KLHL14: variants seen among roughly 807,000 people sequenced by gnomAD.
The protein encoded by KLHL14 is kelch-like protein 14.
Under a neutral mutation model 64.3 loss-of-function variants are expected in KLHL14, and 22 were observed. That is an observed-to-expected ratio of 0.34 (90% CI 0.24 to 0.49). The LOEUF (loss-of-function observed/expected upper bound fraction) is 0.49. KLHL14 is among the 20% of genes least tolerant of loss of function. KLHL14 has a pLI of 0.99. For synonymous variants in KLHL14, 322 were observed against 333.4 expected, an observed-to-expected ratio of 0.97 and a Z score of 0.37; for missense variants, 661 against 789.0, an observed-to-expected ratio of 0.84 and a Z score of 1.94.
chr18:32,701,552 A>G (rs1433783496), intron 3 of KLHL14, among the ~76,000 whole-genome samples: 1 of 152,328 alleles, frequency 6.6e-6, no homozygotes, highest in East Asian at 1.9e-4. Context: ...GCAGGTCTTC[A>G]TGAGCCAGAA....
At chr18:32,754,727 A>G (rs1464708798) in intron 2 of KLHL14, among the ~76,000 whole-genome samples, 1 of 152,196 alleles carries the variant, frequency 6.6e-6, no homozygotes, top group Non-Finnish European at 1.5e-5. Flanking sequence ...TTGGAGAGTC[A>G]CTGCAGGAGT....
chr18:32,727,310 A>G (rs540576385), intron 3 of KLHL14, among the ~76,000 whole-genome samples: 215 of 152,352 alleles, frequency 1.4e-3, no homozygotes, highest in African/African-American at 5.0e-3. Flanking sequence ...CACTGTATCC[A>G]TATCTATTCA....
chr18:32,727,769 G>T (rs1014089377), intron 3 of KLHL14, among the ~76,000 whole-genome samples: 5 of 152,168 alleles, frequency 3.3e-5, no homozygotes, highest in Admixed American at 3.3e-4. Flanking sequence ...GTAATGAAAA[G>T]CTTCAAACAA....
At chr18:32,745,687 C>T (rs938663863) in intron 2 of KLHL14, 1 of 152,144 alleles carries the variant, frequency 6.6e-6, no homozygotes, top group Non-Finnish European at 1.5e-5. Flanking sequence ...TCCTAGAAAG[C>T]AATACACGTG....
At chr18:32,737,849 G>C (rs559166530) in intron 3 of KLHL14, 1 of 152,100 alleles carries the variant, frequency 6.6e-6, no homozygotes, top group Non-Finnish European at 1.5e-5. Context: ...AAACAAAAAG[G>C]CATTTCCTCT....
intron 3 of KLHL14, among the ~76,000 whole-genome samples, chr18:32,716,436 T>G (rs1050834906): frequency 8.1e-5 from 12 of 148,010 alleles, no homozygotes; most frequent in East Asian, 3.9e-4. Flanking sequence ...TTTTTTGAGG[T>G]GGAATTTCGC....
At chr18:32,713,666 T>C (rs1401178111) in intron 3 of KLHL14, among the ~76,000 whole-genome samples, 1 of 152,234 alleles carries the variant, frequency 6.6e-6, no homozygotes, top group East Asian at 1.9e-4. Flanking sequence ...ATGGTGTATA[T>C]GCTTTTGTAA....
intron 3 of KLHL14, among the ~76,000 whole-genome samples, chr18:32,718,682 T>C (rs1319666863): frequency 6.6e-6 from 1 of 152,224 alleles, no homozygotes; most frequent in African/African-American, 2.4e-5. Flanking sequence ...TAAGGGTTTC[T>C]TTTACACAGA....
At chr18:32,761,456 G>A (rs1291488597) in intron 2 of KLHL14, among the ~76,000 whole-genome samples, 1 of 135,722 alleles carries the variant, frequency 7.4e-6, no homozygotes, top group Non-Finnish European at 1.5e-5. Context: ...CAGGAGTTTT[G>A]CAGGTGGTCT....
intron 1 of KLHL14, among the ~76,000 whole-genome samples, chr18:32,771,537 C>T (rs2050384961): frequency 6.6e-6 from 1 of 152,168 alleles, no homozygotes; most frequent in Admixed American, 6.5e-5. Flanking sequence ...GCCCCCTCTC[C>T]CCCGTCTCGC....
rs779717375 is a variant in KLHL14 at position 32,687,149 on chromosome 18, A to G, written c.1238+6T>C. 3 of 1,611,592 alleles carry G rather than the reference A, an allele frequency of 1.9e-6. No homozygotes were observed. Among genetic ancestry groups the G allele is most frequent in the Non-Finnish European group, 2.5e-6 (3 of 1,177,732 alleles). ...AACGTTTCAGGTGCAAGAAATAAACACTTACCTTTCCTGCATGGGTGGAAG... is the reference window on the plus strand; with the variant it reads ...AACGTTTCAGGTGCAAGAAATAAACGCTTACCTTTCCTGCATGGGTGGAAG... On this transcript the variant is annotated splice_donor_region_variant and intron_variant, in intron 5 of 8. Transcript: ENST00000359358.
chr18:32,715,405 T>C (rs1015518747), intron 3 of KLHL14, among the ~76,000 whole-genome samples: 2 of 152,312 alleles, frequency 1.3e-5, no homozygotes, highest in East Asian at 3.9e-4. Context: ...GTAAATTGCT[T>C]TAAGAGACAA....
intron 3 of KLHL14, among the ~76,000 whole-genome samples, chr18:32,705,513 A>G (rs545057814): frequency 1.3e-5 from 2 of 152,230 alleles, no homozygotes; most frequent in Admixed American, 1.3e-4. Flanking sequence ...ACTTGAGGCC[A>G]CGAGTTTGAG....
rs2049830617 is a variant in KLHL14, at chr18:32,680,083, T to C, written c.1588+86A>G. On this transcript the variant is annotated intron_variant, in intron 7 of 8. Coordinates refer to ENST00000359358, the MANE Select transcript of KLHL14 (RefSeq NM_020805.3). The surrounding 1 kb of genome is among the most constrained non-coding windows in gnomAD (Gnocchi z 4.8). ...AACATGTTTTTTACTTGGTTAACTA[T>C]GATTATCTAAGGAGAAACCCCCTTA... is the stretch of plus-strand genomic sequence containing the variant. The C allele has an allele frequency of 7.5e-6, 10 of 1,338,372 alleles. No individual in the cohort carries two copies. Among genetic ancestry groups the C allele is most frequent in the Non-Finnish European group, 1.0e-5 (10 of 974,910 alleles). 82.9% of individuals were successfully genotyped at this position (1,338,372 alleles called of 1,614,324 possible). A position where few individuals can be genotyped will look rare whatever the true frequency, so the allele number is the denominator to read the frequency against.
chr18:32,695,004 A>G (rs1467426653), intron 4 of KLHL14, among the ~76,000 whole-genome samples: 1 of 152,244 alleles, frequency 6.6e-6, no homozygotes, highest in Non-Finnish European at 1.5e-5. Context: ...GATGTTGAGT[A>G]ATACCTGCTG....
chr18:32,693,377 TAC>T (rs869067364), intron 4 of KLHL14, among the ~76,000 whole-genome samples: 2,130 of 96,394 alleles, frequency 0.022, 41 homozygotes, highest in African/African-American at 0.074. Flanking sequence ...AAAGGGATCT[TAC>T]ACACACACAC....
intron 4 of KLHL14, among the ~76,000 whole-genome samples, chr18:32,689,336 A>C (rs2049895671): frequency 6.6e-6 from 1 of 152,198 alleles, no homozygotes; most frequent in Non-Finnish European, 1.5e-5. Context: ...TAGAAGAAGC[A>C]AAACCAACAT....
At chr18:32,741,840 T>A in intron 3 of KLHL14, 88 bp downstream of exon 3, 1 of 1,336,216 alleles carries the variant, frequency 7.5e-7, no homozygotes, top group East Asian at 2.6e-5. Context: ...AAATGTCTAA[T>A]TTGATTAACC....
At chr18:32,741,848 A>G (rs945829640) in intron 3 of KLHL14, 80 bp downstream of exon 3, 2 of 1,349,136 alleles carry the variant, frequency 1.5e-6, no homozygotes, top group Admixed American at 3.1e-5. Flanking sequence ...AATTTGATTA[A>G]CCATGTTTTC....
Sources: allele counts gnomAD v4.1 joint callset (sites outside exome capture counted in the v4.1 genomes callset), GRCh38; gene constraint gnomAD v4.1.1; non-coding constraint Gnocchi (gnomAD v3.1); transcripts MANE v1.5; gene names NCBI Gene and HGNC (gene_info 2026-07-23, HGNC 2026-07-21).